The following WNT7A variants were observed in gnomAD, a reference collection of about 807,000 sequenced individuals.
WNT7A encodes Wnt family member 7A.
Under a neutral mutation model 28.2 loss-of-function variants are expected in WNT7A, and 16 were observed. That is an observed-to-expected ratio of 0.57 (90% CI 0.38 to 0.86). WNT7A has a LOEUF of 0.86. Among genes scored for constraint, WNT7A ranks in the 40% least tolerant of loss-of-function variants. The pLI is 0.00. For missense variants in WNT7A, 411 were observed against 489.7 expected, an observed-to-expected ratio of 0.84 and a Z score of 1.52; for synonymous variants, 190 against 195.9, an observed-to-expected ratio of 0.97 and a Z score of 0.25.
intron 2 of WNT7A, among the ~76,000 whole-genome samples, chr3:13,871,802 C>T (rs1695029920): frequency 6.6e-6 from 1 of 152,144 alleles, no homozygotes. Context: ...AGTGATGCTG[C>T]TAAACCCAAA....
At chr3:13,879,683 TC>T (rs1318765191) in intron 1 of WNT7A, 62 bp downstream of exon 1, 11 of 1,560,574 alleles carry the variant, frequency 7.0e-6, no homozygotes, top group African/African-American at 2.7e-5. Flanking sequence ...GCGGCACACC[TC>T]CCTCCCCGGG....
intron 2 of WNT7A, among the ~76,000 whole-genome samples, chr3:13,872,713 C>T (rs1695044413): frequency 6.6e-6 from 1 of 152,200 alleles, no homozygotes. Flanking sequence ...CAACCATGGC[C>T]AGCTGGGGGC....
intron 2 of WNT7A, among the ~76,000 whole-genome samples, chr3:13,855,416 T>C (rs1206764592): frequency 6.6e-6 from 1 of 152,216 alleles, no homozygotes; most frequent in Non-Finnish European, 1.5e-5. Context: ...GTTTCATTCA[T>C]GGAACCTGAC....
chr3:13,838,169 G>A (rs969522532), intron 3 of WNT7A, among the ~76,000 whole-genome samples: 2 of 152,176 alleles, frequency 1.3e-5, no homozygotes, highest in Admixed American at 1.3e-4. Flanking sequence ...GCATGGTTGA[G>A]AAATAACCAA....
rs553232893 is a variant in WNT7A at position 13,818,805 on chromosome 3, C to A, written c.*139G>T. On this transcript the variant is annotated 3_prime_UTR_variant, in exon 4 of 4. Transcript: ENST00000285018. The stretch of plus-strand genomic sequence containing the variant: ...AGAGATTTTTTTTCCCCCACGGATG[C>A]CTGCAGGAAACCCAGGAAAAGTACC... 6 of 1,311,970 alleles carry A rather than the reference C, an allele frequency of 4.6e-6. No homozygotes were observed. The highest frequency in any genetic ancestry group is 6.1e-6 in the Non-Finnish European group (6 of 990,162). The allele number at this position is 1,311,970 out of a possible 1,614,324, so 81.3% of individuals were successfully genotyped here.
At chr3:13,844,251 A>G (rs879604791) in intron 3 of WNT7A, among the ~76,000 whole-genome samples, 114 of 152,094 alleles carry the variant, frequency 7.5e-4, no homozygotes, top group African/African-American at 2.7e-3. Context: ...CTGTGCCTTC[A>G]GTTTTCTTCA....
chr3:13,863,469 G>GCGCA (rs753461684), intron 2 of WNT7A, among the ~76,000 whole-genome samples: 8 of 152,116 alleles, frequency 5.3e-5, no homozygotes, highest in Non-Finnish European at 1.2e-4. Context: ...CATGTTGCAT[G>GCGCA]CGCACGCACG....
chr3:13,863,577 G>A (rs1396378078), intron 2 of WNT7A: 1 of 151,902 alleles, frequency 6.6e-6, no homozygotes, highest in African/African-American at 2.4e-5. Context: ...TAAAACCCAG[G>A]ATGAACTGAG....
rs551967297 is a variant in WNT7A at position 13,834,731 on chromosome 3, C to T, written c.571-15308G>A. On this transcript the variant is annotated intron_variant, in intron 3 of 3. Transcript: ENST00000285018. The stretch of plus-strand genomic sequence containing the variant: ...TAGCCTTTGCTCAAATCTCACCTTC[C>T]CTATGAGGCTCTCCCTGACTTTTGC... 3.3e-5 allele frequency among the ~76,000 whole-genome samples: 5 copies of T among 152,290 alleles called. No homozygotes were observed. In the East Asian group the frequency reaches 9.7e-4, roughly 29 times the overall value.
chr3:13,854,622 G>A lies in WNT7A; in HGVS notation c.480C>T (p.Ile160=), dbSNP rs774318482. The change falls in exon 3 of 4, where the codon ATC becomes ATT. Residue 160 remains isoleucine, a synonymous_variant. Transcript: ENST00000285018. ...GGCSADIRYG[I]GFAKVFVDAR... The stretch of plus-strand genomic sequence containing the variant: ...CATCCACAAAGACCTTGGCGAAGCC[G>A]ATGCCGTAGCGGATGTCGGCAGAGC... The A allele has an allele frequency of 5.8e-5, 93 of 1,614,066 alleles. No homozygotes were observed. Among genetic ancestry groups the A allele is most frequent in the Middle Eastern group, 1.6e-4 (1 of 6,084 alleles).
intron 3 of WNT7A, among the ~76,000 whole-genome samples, chr3:13,849,296 G>C (rs940308404): frequency 6.6e-6 from 1 of 152,168 alleles, no homozygotes; most frequent in East Asian, 1.9e-4. Flanking sequence ...CTCAATATCA[G>C]CTCAATTCAA....
intron 2 of WNT7A, among the ~76,000 whole-genome samples, chr3:13,868,641 G>A (rs1365669978): frequency 3.9e-4 from 4 of 10,338 alleles, no homozygotes; most frequent in East Asian, 5.2e-3. Context: ...AAAGAGAGAG[G>A]AGAAAGAAAA....
chr3:13,854,359 T>C (rs1443948170), intron 3 of WNT7A, among the ~76,000 whole-genome samples, 173 bp downstream of exon 3: 1 of 152,140 alleles, frequency 6.6e-6, no homozygotes, highest in African/African-American at 2.4e-5. Flanking sequence ...CTGACAAGCT[T>C]CGTGCCATAC....
intron 3 of WNT7A, among the ~76,000 whole-genome samples, chr3:13,851,178 G>A (rs1257113235): frequency 6.6e-6 from 1 of 152,150 alleles, no homozygotes; most frequent in African/African-American, 2.4e-5. Context: ...CCTTCACTCT[G>A]TACTCCACTC....
intron 1 of WNT7A, 102 bp downstream of exon 1, chr3:13,879,644 T>C: frequency 7.6e-7 from 1 of 1,322,440 alleles, no homozygotes; most frequent in South Asian, 1.3e-5. Flanking sequence ...TCAGAGAAGC[T>C]GTGGAAGTTG....
chr3:13,865,318 C>A (rs1467785876), intron 2 of WNT7A, among the ~76,000 whole-genome samples: 1 of 152,142 alleles, frequency 6.6e-6, no homozygotes, highest in Admixed American at 6.5e-5. Flanking sequence ...CTTTTCTCCC[C>A]GGGGCAGCTG....
intron 1 of WNT7A, among the ~76,000 whole-genome samples, chr3:13,877,913 G>A (rs888913823): frequency 3.9e-5 from 6 of 152,236 alleles, no homozygotes; most frequent in Admixed American, 2.6e-4. Flanking sequence ...CCAGAAGCGG[G>A]TAGAGCCGTC....
At chr3:13,823,865 G>C (rs1559294326) in intron 3 of WNT7A, among the ~76,000 whole-genome samples, 1 of 152,166 alleles carries the variant, frequency 6.6e-6, no homozygotes. Flanking sequence ...GTTGCTCCCT[G>C]CTGGGCCCTT....
intron 2 of WNT7A, among the ~76,000 whole-genome samples, chr3:13,868,994 G>A (rs1694980268): frequency 7.6e-6 from 1 of 132,308 alleles, no homozygotes; most frequent in South Asian, 3.2e-4. Flanking sequence ...AAGAAAAAGA[G>A]AAAGAGAGAA....
Sources: gnomAD v4.1 joint callset for allele counts (sites outside exome capture counted in the v4.1 genomes callset) on GRCh38, gnomAD v4.1.1 for gene constraint, MANE v1.5 for transcripts, NCBI Gene and HGNC (gene_info 2026-07-23, HGNC 2026-07-21) for gene names.